Variants in TULP4 observed in about 807,000 individuals in gnomAD.
TULP4 encodes the protein tubby-related protein 4.
Under a neutral mutation model 129.0 loss-of-function variants are expected in TULP4, and 16 were observed. The observed-to-expected ratio is 0.12, with a 90% CI of 0.08 to 0.19. The LOEUF (loss-of-function observed/expected upper bound fraction) is 0.19, where lower values mean the gene tolerates loss of function less well. TULP4 is among the 10% of genes least tolerant of loss of function. The pLI is 1.00. For missense variants in TULP4, 1,842 were observed against 2,059.1 expected (o/e 0.89, Z 2.04); for synonymous variants, 998 against 854.0 (o/e 1.17, Z -2.94).
At chr6:158,451,994 C>T (rs1008514766) in intron 4 of TULP4, 140 bp from the exon 5 acceptor site, 2 of 1,284,844 alleles carry the variant, frequency 1.6e-6, no homozygotes, top group Non-Finnish European at 2.2e-6. Context: ...TAGAATGTTT[C>T]ATTCAGGTAG....
In TULP4 at chr6:158,239,161, G is replaced by A. The variant is rs1329454463; in HGVS notation, n.68+6858G>A. Among the ~76,000 whole-genome samples the A allele has an allele frequency of 4.9e-4, 55 of 112,370 alleles. 2 individuals carry two copies. Among genetic ancestry groups the A allele is most frequent in the Non-Finnish European group, 8.7e-4 (43 of 49,584 alleles). The allele number at this position is 112,370 out of a possible 152,430, so 73.7% of individuals were successfully genotyped here. ...CAGAGGCGCCCCTCACCTCCCGGACGAGGCGGCTGGCCGGGCGGGGGGCTG... is the reference window on the plus strand; with the variant it reads ...CAGAGGCGCCCCTCACCTCCCGGACAAGGCGGCTGGCCGGGCGGGGGGCTG... On this transcript the variant is annotated intron_variant and non_coding_transcript_variant, in intron 1 of 1. Coordinates refer to the TULP4 transcript ENST00000620026.
At position 158,472,462 on chromosome 6, in the gene TULP4, G is replaced by A. The variant is rs144987610; in HGVS notation, c.1027-7289G>A. Among the ~76,000 whole-genome samples the A allele has an allele frequency of 6.2e-3, 937 of 151,754 alleles. 12 individuals are homozygous for A. The highest frequency in any genetic ancestry group is 0.021 in the African/African-American group (860 of 41,354). On this transcript the variant is annotated intron_variant, in intron 6 of 13. Transcript: ENST00000367097. The stretch of plus-strand genomic sequence containing the variant: ...GTCCATTTCAACCATTGAAAAAATC[G>A]CCTCAATAATAGAAAGTTAAATAAT...
At chr6:158,262,334 G>A (rs1778368013) in intron 1 of TULP4, among the ~76,000 whole-genome samples, 4 of 152,174 alleles carry the variant, frequency 2.6e-5, no homozygotes. Context: ...GACTTTAGTT[G>A]TGGGCTGCCT....
chr6:158,435,257 G>A (rs1778726388), intron 3 of TULP4, among the ~76,000 whole-genome samples: 2 of 152,184 alleles, frequency 1.3e-5, no homozygotes, highest in South Asian at 4.1e-4. Context: ...TCTTGTGTAT[G>A]TCTTCCAGGC....
intron 1 of TULP4, among the ~76,000 whole-genome samples, chr6:158,370,532 C>G (rs1427953525): frequency 6.8e-6 from 1 of 146,136 alleles, no homozygotes; most frequent in African/African-American, 2.5e-5. Context: ...GCCTCTGTCT[C>G]AAAAAGCAAA....
At chr6:158,331,335 A>G (rs1449745289) in intron 1 of TULP4, among the ~76,000 whole-genome samples, 1 of 151,894 alleles carries the variant, frequency 6.6e-6, no homozygotes, top group Admixed American at 6.6e-5. Context: ...CCACCTACCT[A>G]TCTGTGAACT....
At chr6:158,345,273 C>T (rs1780274272) in intron 1 of TULP4, among the ~76,000 whole-genome samples, 1 of 152,172 alleles carries the variant, frequency 6.6e-6, no homozygotes, top group East Asian at 1.9e-4. Context: ...CTTAGCCTTC[C>T]AAGTAGCTGG....
chr6:158,442,595 A>G (rs1245695960), intron 3 of TULP4, among the ~76,000 whole-genome samples: 1 of 152,144 alleles, frequency 6.6e-6, no homozygotes, highest in African/African-American at 2.4e-5. Flanking sequence ...GCCTTACTTC[A>G]AAGAGCCGAT....
intron 3 of TULP4, among the ~76,000 whole-genome samples, chr6:158,439,798 G>A (rs1403588858): frequency 2.4e-5 from 3 of 125,302 alleles, no homozygotes; most frequent in Non-Finnish European, 4.7e-5. Context: ...TGCAAGCTCC[G>A]CCTCCTGGGT....
intron 1 of TULP4, among the ~76,000 whole-genome samples, chr6:158,286,124 A>G (rs1778831813): frequency 6.6e-6 from 1 of 152,218 alleles, no homozygotes; most frequent in Admixed American, 6.5e-5. Context: ...GAAAATTACA[A>G]ACTGCCATTA....
At chr6:158,341,800 TTC>T (rs1780186394) in intron 1 of TULP4, among the ~76,000 whole-genome samples, 1 of 152,214 alleles carries the variant, frequency 6.6e-6, no homozygotes, top group Admixed American at 6.5e-5. Context: ...TTCTTATATA[TTC>T]TGTTTATTAA....
intron 3 of TULP4, among the ~76,000 whole-genome samples, chr6:158,430,242 G>C (rs1188469067): frequency 6.6e-6 from 1 of 152,210 alleles, no homozygotes; most frequent in East Asian, 1.9e-4. Flanking sequence ...TGGGATGTTT[G>C]GTATATTGCT....
intron 11 of TULP4, among the ~76,000 whole-genome samples, chr6:158,497,829 A>G (rs891674067): frequency 2.0e-5 from 3 of 152,248 alleles, no homozygotes; most frequent in African/African-American, 7.2e-5. Context: ...GTCATGCTGC[A>G]GGTCAGCCGC....
intron 1 of TULP4, among the ~76,000 whole-genome samples, chr6:158,357,368 G>C (rs930615178): frequency 6.6e-6 from 1 of 152,184 alleles, no homozygotes; most frequent in African/African-American, 2.4e-5. Flanking sequence ...AGAGTCATTT[G>C]TTTGTGGTCC....
At chr6:158,334,900 A>C (rs988490496) in intron 1 of TULP4, among the ~76,000 whole-genome samples, 1 of 152,172 alleles carries the variant, frequency 6.6e-6, no homozygotes, top group Non-Finnish European at 1.5e-5. Flanking sequence ...GGTGGCATTT[A>C]TGAGGAACAG....
chr6:158,456,084 G>A (rs998146821), intron 5 of TULP4, among the ~76,000 whole-genome samples: 6 of 152,204 alleles, frequency 3.9e-5, no homozygotes, highest in Non-Finnish European at 5.9e-5. Flanking sequence ...ATTTCTAGGG[G>A]AAATGAATGG....
chr6:158,382,153 C>T (rs1370127950), intron 1 of TULP4, among the ~76,000 whole-genome samples: 1 of 152,126 alleles, frequency 6.6e-6, no homozygotes, highest in Non-Finnish European at 1.5e-5. Flanking sequence ...TTGTATTAAA[C>T]TAACTGTCAT....
intron 11 of TULP4, among the ~76,000 whole-genome samples, chr6:158,497,254 T>A (rs373597085): frequency 6.6e-6 from 1 of 152,224 alleles, no homozygotes; most frequent in Non-Finnish European, 1.5e-5. Context: ...AAATTAACTA[T>A]TGAATACTAG....
At chr6:158,254,721 A>G in intron 1 of TULP4, among the ~76,000 whole-genome samples, 1 of 152,222 alleles carries the variant, frequency 6.6e-6, no homozygotes, top group East Asian at 1.9e-4. Flanking sequence ...ATTTGCCTGT[A>G]GTCATGAGAT....
Sources: gnomAD v4.1 joint callset for allele counts (sites outside exome capture counted in the v4.1 genomes callset) on GRCh38, gnomAD v4.1.1 for gene constraint, MANE v1.5 for transcripts, NCBI Gene and HGNC (gene_info 2026-07-23, HGNC 2026-07-21) for gene names.